CACNA2D1: variants seen among roughly 807,000 people sequenced by gnomAD.
The protein encoded by CACNA2D1 is calcium voltage-gated channel auxiliary subunit alpha2delta 1.
CACNA2D1 carries 53 observed loss-of-function variants against 171.5 expected under a neutral mutation model. The ratio of observed to expected loss-of-function variants is 0.31; its 90% CI spans 0.25 to 0.39. The LOEUF (loss-of-function observed/expected upper bound fraction) is 0.39. Ranked by LOEUF, CACNA2D1 falls within the 10% of genes least tolerant of loss-of-function variation. CACNA2D1 has a pLI of 1.00. For synonymous variants in CACNA2D1, 442 were observed against 443.1 expected (o/e 1.00, Z 0.03); for missense variants, 903 against 1,299.8 (o/e 0.69, Z 4.69).
intron 3 of CACNA2D1, among the ~76,000 whole-genome samples, chr7:82,312,073 T>C (rs942877563): frequency 6.6e-6 from 1 of 152,204 alleles, no homozygotes; most frequent in East Asian, 1.9e-4. Flanking sequence ...AAATTTCATA[T>C]GAAAAAGTTA....
chr7:81,997,105 A>G, intron 19 of CACNA2D1, 74 bp downstream of exon 19: 1 of 847,212 alleles, frequency 1.2e-6, no homozygotes, highest in Admixed American at 1.7e-5. Flanking sequence ...GTAGCCGTTC[A>G]ACAGATACTT....
At chr7:82,308,009 G>A (rs1321093316) in intron 3 of CACNA2D1, among the ~76,000 whole-genome samples, 1 of 152,110 alleles carries the variant, frequency 6.6e-6, no homozygotes, top group Non-Finnish European at 1.5e-5. Context: ...TCTCCCACAG[G>A]AATCTTTTTC....
At chr7:82,281,244 T>C (rs1403239769) in intron 3 of CACNA2D1, among the ~76,000 whole-genome samples, 1 of 152,200 alleles carries the variant, frequency 6.6e-6, no homozygotes. Context: ...AAGACTGCTC[T>C]TGAACCAGTT....
At position 81,949,040 on chromosome 7, in the gene CACNA2D1, G is replaced by A. The variant is rs1275780644; in HGVS notation, c.*1352C>T. 1.3e-5 allele frequency: 2 copies of A among 151,928 alleles called. No homozygotes were observed. Among genetic ancestry groups the A allele is most frequent in the African/African-American group, 2.4e-5 (1 of 41,408 alleles). 9.4% of individuals were successfully genotyped at this position (151,928 alleles called of 1,614,324 possible). On this transcript the variant is annotated 3_prime_UTR_variant, in exon 39 of 39. Coordinates refer to ENST00000356860, the MANE Select transcript of CACNA2D1 (RefSeq NM_000722.4). ...TTGTAAAACCCTTATCAACTTGCAT[G>A]GAAATTTTGGCCAAACGATCATACC...
At chr7:82,146,462 A>AT (rs1793104111) in intron 4 of CACNA2D1, among the ~76,000 whole-genome samples, 2 of 121,010 alleles carry the variant, frequency 1.7e-5, no homozygotes, top group South Asian at 2.4e-4. Flanking sequence ...AGATATATAT[A>AT]AATATATATC....
chr7:82,196,121 C>A (rs1798829988), intron 3 of CACNA2D1, among the ~76,000 whole-genome samples: 1 of 152,054 alleles, frequency 6.6e-6, no homozygotes, highest in Non-Finnish European at 1.5e-5. Flanking sequence ...AACCAACTAT[C>A]CTCTTTGCTT....
intron 3 of CACNA2D1, among the ~76,000 whole-genome samples, chr7:82,305,410 C>T (rs1813595532): frequency 6.6e-6 from 1 of 152,110 alleles, no homozygotes; most frequent in Admixed American, 6.6e-5. Context: ...AGGAGACTTG[C>T]TCTGTTTAAA....
At chr7:82,086,521 T>C (rs1053088865) in intron 6 of CACNA2D1, among the ~76,000 whole-genome samples, 1 of 152,138 alleles carries the variant, frequency 6.6e-6, no homozygotes, top group Non-Finnish European at 1.5e-5. Flanking sequence ...AAGCAGCCAG[T>C]TATATGAGAA....
chr7:82,145,375 TTA>T (rs1324898674), intron 4 of CACNA2D1, among the ~76,000 whole-genome samples: 1 of 144,768 alleles, frequency 6.9e-6, no homozygotes, highest in Non-Finnish European at 1.5e-5. Context: ...ACATTATATA[TTA>T]TATATTATAT....
Position 82,443,653 on chromosome 7 carries a change from G to A in CACNA2D1, c.-194C>T. The A allele has an allele frequency of 7.8e-7, 1 of 1,288,204 alleles. No individual in the cohort carries two copies. The highest frequency in any genetic ancestry group is 9.7e-7 in the Non-Finnish European group (1 of 1,025,672). The allele number at this position is 1,288,204 out of a possible 1,614,324, so 79.8% of individuals were successfully genotyped here. A position where few individuals can be genotyped will look rare whatever the true frequency, so the allele number is the denominator to read the frequency against. ...GGGAGCGGACGCCGAGGAAGGGGCG[G>A]TGGCGGGCGGACCCACTAGCGTGCG... On this transcript the variant is annotated 5_prime_UTR_variant, in exon 1 of 39. Coordinates refer to ENST00000356860, the MANE Select transcript of CACNA2D1 (RefSeq NM_000722.4).
At chr7:82,114,870 T>A (rs1004922280) in intron 6 of CACNA2D1, among the ~76,000 whole-genome samples, 2 of 152,136 alleles carry the variant, frequency 1.3e-5, no homozygotes, top group Non-Finnish European at 2.9e-5. Context: ...CTTTAACTTC[T>A]TTTACACATC....
At chr7:82,306,997 A>G (rs1813818419) in intron 3 of CACNA2D1, among the ~76,000 whole-genome samples, 1 of 152,066 alleles carries the variant, frequency 6.6e-6, no homozygotes, top group East Asian at 1.9e-4. Context: ...TGGTTTCTCC[A>G]TGGGATCTGC....
chr7:82,140,084 C>G (rs945333491), intron 4 of CACNA2D1, among the ~76,000 whole-genome samples: 1 of 152,034 alleles, frequency 6.6e-6, no homozygotes, highest in Non-Finnish European at 1.5e-5. Flanking sequence ...AGCCACCATG[C>G]CCGGCCTTGA....
intron 10 of CACNA2D1, among the ~76,000 whole-genome samples, chr7:82,058,492 T>A (rs1806216093): frequency 6.6e-6 from 1 of 152,298 alleles, no homozygotes; most frequent in African/African-American, 2.4e-5. Context: ...TAAAGCCAAA[T>A]AAGTATCTTT....
chr7:82,242,387 G>A (rs1001363751), intron 3 of CACNA2D1, among the ~76,000 whole-genome samples: 1 of 151,924 alleles, frequency 6.6e-6, no homozygotes, highest in African/African-American at 2.4e-5. Context: ...TAACTATATG[G>A]AGCAGCCACA....
rs545180775 is a variant in CACNA2D1, at chr7:82,144,992, T to C, written c.355-8316A>G. Among the ~76,000 whole-genome samples, 10 of 151,900 alleles carry C rather than the reference T, an allele frequency of 6.6e-5. No individual in the cohort carries two copies. The East Asian group carries it at 1.4e-3, about 21-fold the overall frequency. ...AAATAAGCATTGAGCTTTGTACACA[T>C]GCTCAGCCTGATTTAGGTTAGAAAC... On this transcript the variant is annotated intron_variant, in intron 4 of 38. Transcript: ENST00000356860.
At chr7:82,178,629 A>G (rs910916440) in intron 3 of CACNA2D1, among the ~76,000 whole-genome samples, 6 of 152,138 alleles carry the variant, frequency 3.9e-5, no homozygotes, top group African/African-American at 1.4e-4. Context: ...ATAAACCTTG[A>G]AAACACTCTT....
intron 7 of CACNA2D1, 122 bp from the exon 8 acceptor site, chr7:82,066,646 CA>C: frequency 1.5e-6 from 2 of 1,367,056 alleles, no homozygotes; most frequent in South Asian, 1.5e-5. Flanking sequence ...CTTCAATGTT[CA>C]AATGAGAGAT....
chr7:82,040,315 G>C (rs974938741), intron 10 of CACNA2D1, among the ~76,000 whole-genome samples: 2 of 152,094 alleles, frequency 1.3e-5, no homozygotes, highest in African/African-American at 4.8e-5. Context: ...AGGGATAATT[G>C]AGGAATAGAG....
Sources: gnomAD v4.1 joint callset for allele counts (sites outside exome capture counted in the v4.1 genomes callset) on GRCh38, gnomAD v4.1.1 for gene constraint, MANE v1.5 for transcripts, NCBI Gene and HGNC (gene_info 2026-07-23, HGNC 2026-07-21) for gene names.